The following FGF14 variants were observed in gnomAD, a reference collection of about 807,000 sequenced individuals.
FGF14 encodes the protein fibroblast growth factor 14.
Under a neutral mutation model 25.5 loss-of-function variants are expected in FGF14, and 5 were observed. That is an observed-to-expected ratio of 0.20 (90% CI 0.10 to 0.41). The LOEUF (loss-of-function observed/expected upper bound fraction) is 0.41. Ranked by LOEUF, FGF14 falls within the 10% of genes least tolerant of loss-of-function variation. The pLI is 1.00. For synonymous variants in FGF14, 138 were observed against 118.3 expected (o/e 1.17, Z -1.08); for missense variants, 222 against 320.1 (o/e 0.69, Z 2.34).
intron 1 of FGF14, among the ~76,000 whole-genome samples, chr13:101,877,879 A>G (rs1378843566): frequency 6.6e-6 from 1 of 152,160 alleles, no homozygotes; most frequent in Non-Finnish European, 1.5e-5. Context: ...TATAAGTTTA[A>G]AACAAATGGG....
At chr13:102,143,439 C>G (rs2046729021) in intron 1 of FGF14, among the ~76,000 whole-genome samples, 1 of 151,976 alleles carries the variant, frequency 6.6e-6, no homozygotes, top group Non-Finnish European at 1.5e-5. Context: ...TAATTAACAC[C>G]AACAAAGCCT....
chr13:102,083,095 G>A (rs1475262038), intron 1 of FGF14, among the ~76,000 whole-genome samples: 1 of 152,226 alleles, frequency 6.6e-6, no homozygotes, highest in South Asian at 2.1e-4. Context: ...AACCTGGAGT[G>A]TTCCTTGATA....
At chr13:101,894,965 T>G (rs1464184355) in intron 1 of FGF14, among the ~76,000 whole-genome samples, 1 of 152,224 alleles carries the variant, frequency 6.6e-6, no homozygotes, top group African/African-American at 2.4e-5. Flanking sequence ...AAACATTTTT[T>G]GCCCTCATTT....
At chr13:101,806,079 A>C (rs1022752461) in intron 3 of FGF14, among the ~76,000 whole-genome samples, 3 of 152,014 alleles carry the variant, frequency 2.0e-5, no homozygotes, top group Admixed American at 1.3e-4. Flanking sequence ...TATACATATA[A>C]AATTCATGTG....
chr13:102,368,447 G>A (rs1203516702), intron 1 of FGF14, among the ~76,000 whole-genome samples: 3 of 152,104 alleles, frequency 2.0e-5, no homozygotes, highest in Non-Finnish European at 4.4e-5. Context: ...AAATATTTAA[G>A]TTTCTTCTCC....
At chr13:102,351,711 T>C (rs989082055) in intron 1 of FGF14, among the ~76,000 whole-genome samples, 2 of 152,180 alleles carry the variant, frequency 1.3e-5, no homozygotes, top group African/African-American at 2.4e-5. Context: ...TTCCTCACCA[T>C]GGGGGCCTTT....
intron 1 of FGF14, among the ~76,000 whole-genome samples, chr13:102,079,538 C>T (rs1306100838): frequency 6.6e-6 from 1 of 152,102 alleles, no homozygotes; most frequent in Non-Finnish European, 1.5e-5. Context: ...GCCTCAATCT[C>T]CCAAAATTCT....
intron 1 of FGF14, among the ~76,000 whole-genome samples, chr13:102,198,569 G>A (rs1324980604): frequency 6.6e-6 from 1 of 152,132 alleles, no homozygotes; most frequent in Non-Finnish European, 1.5e-5. Context: ...AAAATTGAAC[G>A]GAGCGTCCCT....
intron 3 of FGF14, among the ~76,000 whole-genome samples, chr13:101,776,024 A>C (rs1339144165): frequency 6.6e-6 from 1 of 152,178 alleles, no homozygotes; most frequent in African/African-American, 2.4e-5. Context: ...AAACCAGCCT[A>C]GTCAACAGGG....
chr13:102,237,445 G>A (rs907619843), intron 1 of FGF14, among the ~76,000 whole-genome samples: 3 of 152,208 alleles, frequency 2.0e-5, no homozygotes, highest in Admixed American at 2.0e-4. Context: ...ATCCCTGCGA[G>A]GGGCGCATGC....
At chr13:101,967,877 AC>A (rs1475806578) in intron 1 of FGF14, 2 of 152,614 alleles carry the variant, frequency 1.3e-5, no homozygotes, top group African/African-American at 2.4e-5. Context: ...AAAATCTGAT[AC>A]ATGAACACTC....
At chr13:101,751,150 C>A (rs2037245546) in intron 3 of FGF14, among the ~76,000 whole-genome samples, 2 of 151,858 alleles carry the variant, frequency 1.3e-5, no homozygotes, top group Admixed American at 1.3e-4. Flanking sequence ...TTGACAAAAC[C>A]CATAGAATGT....
chr13:101,873,972 C>A (rs2045256314), intron 2 of FGF14, among the ~76,000 whole-genome samples: 1 of 151,348 alleles, frequency 6.6e-6, no homozygotes, highest in Non-Finnish European at 1.5e-5. Context: ...ACACGGAGGA[C>A]AATGTAGATA....
At chr13:101,964,247 T>C (rs72662469) in intron 1 of FGF14, among the ~76,000 whole-genome samples, 1 of 148,598 alleles carries the variant, frequency 6.7e-6, no homozygotes, top group Non-Finnish European at 1.5e-5. Context: ...ACTTTTTAGT[T>C]GTAAAGATTT....
chr13:101,824,769 C>T (rs2140253271), intron 3 of FGF14, among the ~76,000 whole-genome samples: 1 of 152,250 alleles, frequency 6.6e-6, no homozygotes, highest in Admixed American at 6.5e-5. Context: ...CGGCCTCATT[C>T]CTAACCTCCA....
At chr13:101,899,267 T>C (rs1387737735) in intron 1 of FGF14, among the ~76,000 whole-genome samples, 3 of 151,920 alleles carry the variant, frequency 2.0e-5, no homozygotes, top group Admixed American at 6.6e-5. Flanking sequence ...TTCTAAAATG[T>C]CCAACACTCA....
chr13:101,797,928 T>C lies in FGF14; in HGVS notation c.408+70797A>G, dbSNP rs75124521. Among the ~76,000 whole-genome samples the C allele has an allele frequency of 1.7e-3, 262 of 152,174 alleles. 2 individuals are homozygous for C. Among genetic ancestry groups the C allele is most frequent in the African/African-American group, 6.0e-3 (249 of 41,546 alleles). On this transcript the variant is annotated intron_variant, in intron 3 of 4. Coordinates refer to ENST00000376143, the MANE Select transcript of FGF14 (RefSeq NM_004115.4). ...AAAAGCAGTCTTTTGTTCAAAGACA[T>C]AAAGACAACAACAAAGAATTTGGAA...
At chr13:102,140,053 C>G (rs890072433) in intron 1 of FGF14, among the ~76,000 whole-genome samples, 16 of 145,324 alleles carry the variant, frequency 1.1e-4, no homozygotes, top group East Asian at 8.1e-4. Flanking sequence ...ACCCCCCCCC[C>G]CCCTTACAGC....
intron 1 of FGF14, among the ~76,000 whole-genome samples, chr13:102,245,950 T>A (rs181959866): frequency 9.0e-4 from 137 of 152,240 alleles, no homozygotes; most frequent in Non-Finnish European, 1.3e-3. Context: ...GCCTTCATTT[T>A]TCCTACTTAC....
Sources: gnomAD v4.1 joint callset for allele counts (sites outside exome capture counted in the v4.1 genomes callset) on GRCh38, gnomAD v4.1.1 for gene constraint, MANE v1.5 for transcripts, NCBI Gene and HGNC (gene_info 2026-07-23, HGNC 2026-07-21) for gene names.